The following REDIC1 variants were observed in gnomAD, a reference collection of about 807,000 sequenced individuals.
REDIC1 encodes HEI10 Interacting Protein 1.
chr12:39,777,474 A>G, the REDIC1 span, among the ~76,000 whole-genome samples: 1 of 152,306 alleles, frequency 6.6e-6, no homozygotes. Flanking sequence ...TGCTAGGTAG[A>G]GGAGGGCGTG....
At chr12:39,792,942 A>G in the REDIC1 span, among the ~76,000 whole-genome samples, 2 of 152,132 alleles carry the variant, frequency 1.3e-5, no homozygotes, top group Non-Finnish European at 2.9e-5. Flanking sequence ...AACCAAAGTT[A>G]TGAACTTTAA....
chr12:39,640,193 G>A, the REDIC1 span, among the ~76,000 whole-genome samples: 271 of 151,790 alleles, frequency 1.8e-3, no homozygotes, highest in African/African-American at 6.0e-3. Context: ...GGTCACAGGG[G>A]CAGTGTCTTC....
the REDIC1 span, among the ~76,000 whole-genome samples, chr12:39,801,491 AT>A: frequency 6.6e-6 from 1 of 152,296 alleles, no homozygotes; most frequent in South Asian, 2.1e-4. Flanking sequence ...ACATAGTCTA[AT>A]TTCTCTTGGC....
the REDIC1 span, among the ~76,000 whole-genome samples, chr12:39,693,531 T>A: frequency 6.6e-6 from 1 of 152,036 alleles, no homozygotes; most frequent in Non-Finnish European, 1.5e-5. Context: ...GCCTTTCTCA[T>A]TCTAAATGTA....
chr12:39,770,918 T>C, the REDIC1 span, among the ~76,000 whole-genome samples: 148,046 of 152,252 alleles, frequency 0.97, 71,978 homozygotes, highest in East Asian at 1. Flanking sequence ...CCAGGTAAAG[T>C]TAGGATATAT....
chr12:39,869,857 T>C, the REDIC1 span, among the ~76,000 whole-genome samples: 2 of 152,236 alleles, frequency 1.3e-5, no homozygotes, highest in South Asian at 4.1e-4. Context: ...ACAGCTAAAA[T>C]GCTCAGAGCC....
chr12:39,650,459 A>T, the REDIC1 span: 1 of 1,400,156 alleles, frequency 7.1e-7, no homozygotes, highest in Non-Finnish European at 9.4e-7. The surrounding 1 kb of genome is among the most constrained non-coding windows in gnomAD (Gnocchi z 4.3). Context: ...AAATATAAAC[A>T]GTCCTAAGTA....
At chr12:39,771,646 AT>A in the REDIC1 span, among the ~76,000 whole-genome samples, 4 of 152,152 alleles carry the variant, frequency 2.6e-5, no homozygotes, top group African/African-American at 4.8e-5. Context: ...AGGAAGTGCT[AT>A]ATTATTAATG....
chr12:39,783,751 G>C, the REDIC1 span, among the ~76,000 whole-genome samples: 1 of 152,188 alleles, frequency 6.6e-6, no homozygotes, highest in East Asian at 1.9e-4. Flanking sequence ...GTTCTTTGTA[G>C]ATTCTGGATA....
the REDIC1 span, among the ~76,000 whole-genome samples, chr12:39,713,531 C>T: frequency 3.7e-3 from 559 of 149,192 alleles, 4 homozygotes; most frequent in African/African-American, 0.013. Context: ...TACATGTGTA[C>T]ACGTACATAC....
chr12:39,683,335 C>T, the REDIC1 span: 1 of 1,166,174 alleles, frequency 8.6e-7, no homozygotes, highest in Non-Finnish European at 1.2e-6. Flanking sequence ...CTGTACGTGT[C>T]ATGTGAATAT....
At chr12:39,812,382 C>CTTTTCT in the REDIC1 span, among the ~76,000 whole-genome samples, 239 of 101,292 alleles carry the variant, frequency 2.4e-3, 1 homozygote, top group African/African-American at 7.0e-3. Context: ...CTTTTCTTTT[C>CTTTTCT]TTTCTTTCTC....
chr12:39,671,093 A>G, the REDIC1 span, among the ~76,000 whole-genome samples: 5 of 152,234 alleles, frequency 3.3e-5, no homozygotes, highest in Middle Eastern at 3.4e-3. Context: ...TGAAGGTGCC[A>G]TATTTCCTTG....
the REDIC1 span, chr12:39,755,926 A>C: frequency 6.6e-6 from 1 of 152,166 alleles, no homozygotes; most frequent in Non-Finnish European, 1.5e-5. Flanking sequence ...ACTGGCACAC[A>C]AAAATTTCCT....
At chr12:39,807,017 C>T in the REDIC1 span, among the ~76,000 whole-genome samples, 1 of 152,194 alleles carries the variant, frequency 6.6e-6, no homozygotes, top group Non-Finnish European at 1.5e-5. Context: ...GAGATGACAA[C>T]GTTCCAGAAA....
At chr12:39,728,138 T>A in the REDIC1 span, among the ~76,000 whole-genome samples, 3 of 151,558 alleles carry the variant, frequency 2.0e-5, no homozygotes, top group African/African-American at 7.2e-5. Flanking sequence ...ATTTATTTCT[T>A]TCTCTTGCCT....
At chr12:39,799,081 CT>C in the REDIC1 span, among the ~76,000 whole-genome samples, 1,138 of 133,466 alleles carry the variant, frequency 8.5e-3, 7 homozygotes, top group African/African-American at 0.023. Context: ...TTTTTTTTTC[CT>C]TTTTTTTTTT....
the REDIC1 span, chr12:39,647,871 T>C: frequency 1.9e-6 from 3 of 1,608,690 alleles, no homozygotes; most frequent in Non-Finnish European, 2.6e-6. Flanking sequence ...CCATCATCTT[T>C]TTCAGTGGAG....
At chr12:39,716,703 G>A in the REDIC1 span, 1 of 1,313,704 alleles carries the variant, frequency 7.6e-7, no homozygotes, top group South Asian at 1.3e-5. Flanking sequence ...GCATATGTAT[G>A]TTGTAGATTA....
Sources: allele counts gnomAD v4.1 joint callset (sites outside exome capture counted in the v4.1 genomes callset), GRCh38; gene constraint gnomAD v4.1.1; non-coding constraint Gnocchi (gnomAD v3.1); transcripts MANE v1.5; gene names NCBI Gene and HGNC (gene_info 2026-07-23, HGNC 2026-07-21).